The following PPARA variants were observed in gnomAD, a reference collection of about 807,000 sequenced individuals.
The protein encoded by PPARA is peroxisome proliferator activated receptor alpha, also known as peroxisome proliferator-activated receptor alpha.
PPARA carries 22 observed loss-of-function variants against 42.2 expected under a neutral mutation model. The ratio of observed to expected loss-of-function variants is 0.52; its 90% CI spans 0.37 to 0.74. PPARA has a LOEUF of 0.74. PPARA is among the 30% of genes least tolerant of loss of function. The probability of loss-of-function intolerance (pLI) is 0.00; values close to 1 mark genes in which losing one functional copy is unlikely to be tolerated. For missense variants in PPARA, 465 were observed against 608.2 expected (o/e 0.76, Z 2.48); for synonymous variants, 242 against 239.3 (o/e 1.01, Z -0.10).
At chr22:46,153,479 A>G (rs1035622643) in intron 2 of PPARA, among the ~76,000 whole-genome samples, 2 of 152,082 alleles carry the variant, frequency 1.3e-5, no homozygotes, top group Admixed American at 6.5e-5. Flanking sequence ...CTTTTCCGAC[A>G]TCTTAAACGT....
rs148159640 is a variant in PPARA, at chr22:46,199,312, A to G, written c.208+721A>G. On this transcript the variant is annotated intron_variant, in intron 4 of 8. Transcript: ENST00000407236. ...CAGATAAATTGGGATGCATTTATAC[A>G]GTGGTATATACTTCATAGCAATTTA... 1.8e-3 allele frequency among the ~76,000 whole-genome samples: 272 copies of G among 152,294 alleles called. 1 individual carries two copies. Among genetic ancestry groups the G allele is most frequent in the African/African-American group, 6.1e-3 (255 of 41,566 alleles).
intron 2 of PPARA, among the ~76,000 whole-genome samples, chr22:46,166,841 T>A (rs1299863506): frequency 6.6e-6 from 1 of 152,170 alleles, no homozygotes; most frequent in African/African-American, 2.4e-5. Context: ...GCAATCGGAA[T>A]CAGACCTCAG....
chr22:46,154,344 G>A (rs1401264015), intron 2 of PPARA, among the ~76,000 whole-genome samples: 4 of 152,200 alleles, frequency 2.6e-5, no homozygotes, highest in Admixed American at 2.0e-4. Context: ...TAGCCTGGGC[G>A]CAGTGGCTCA....
At position 46,203,950 on chromosome 22, in the gene PPARA, C is replaced by A. The variant is rs1434657144; in HGVS notation, c.208+5359C>A. Among the ~76,000 whole-genome samples the A allele has an allele frequency of 2.6e-5, 4 of 152,168 alleles. No homozygotes were observed. The highest frequency in any genetic ancestry group is 9.7e-5 in the African/African-American group (4 of 41,404). ...CTGCCTCCTGCATCTATCAGTAGTG[C>A]CTCTGTCTGTCACCCCTAAAGTTTA... On this transcript the variant is annotated intron_variant, in intron 4 of 8. Coordinates refer to ENST00000407236, the MANE Select transcript of PPARA (RefSeq NM_005036.6). This position sits in a 1 kb window ranked among gnomAD's most constrained non-coding sequence, Gnocchi z 5.8.
chr22:46,172,116 A>G (rs1320027979), intron 2 of PPARA, among the ~76,000 whole-genome samples: 4 of 151,990 alleles, frequency 2.6e-5, no homozygotes, highest in Non-Finnish European at 5.9e-5. Context: ...GAATCTGGGT[A>G]CTTGGAAGCC....
chr22:46,206,776 C>T (rs1933353419), intron 4 of PPARA, among the ~76,000 whole-genome samples: 1 of 152,010 alleles, frequency 6.6e-6, no homozygotes, highest in Non-Finnish European at 1.5e-5. Context: ...GTGCTATATA[C>T]CTTTGTATAA....
chr22:46,167,438 C>A lies in PPARA; in HGVS notation c.-126-9315C>A, dbSNP rs1162270676. On this transcript the variant is annotated intron_variant, in intron 2 of 8. Coordinates refer to ENST00000407236, the MANE Select transcript of PPARA (RefSeq NM_005036.6). The surrounding 1 kb of genome is among the most constrained non-coding windows in gnomAD (Gnocchi z 4.1). ...GGCCAAGGCGGGTGGATCACTTGGC[C>A]CCAGGAGTTACAAGACCATCCTGGG... 6.6e-6 allele frequency among the ~76,000 whole-genome samples: 1 copy of A among 151,822 alleles called. No individual in the cohort carries two copies. Among genetic ancestry groups the A allele is most frequent in the Non-Finnish European group, 1.5e-5 (1 of 67,960 alleles).
rs1187121875 is a variant in PPARA, at chr22:46,190,998, C to A, written c.-42-7344C>A. Among the ~76,000 whole-genome samples, 1 of 152,098 alleles carries A rather than the reference C, an allele frequency of 6.6e-6. No homozygotes were observed. Among genetic ancestry groups the A allele is most frequent in the African/African-American group, 2.4e-5 (1 of 41,424 alleles). ...CTGAGGTCAGGTGTTCAAAACCAGC[C>A]TGGCCAAACATGGTGAAACCACATC... On this transcript the variant is annotated intron_variant, in intron 3 of 8. Coordinates refer to ENST00000407236, the MANE Select transcript of PPARA (RefSeq NM_005036.6). The surrounding 1 kb of genome is among the most constrained non-coding windows in gnomAD (Gnocchi z 5.6).
In PPARA at chr22:46,225,883, ACACT is replaced by A. The variant is rs1935396064; in HGVS notation, c.711+5873_711+5876del. On this transcript the variant is annotated intron_variant, in intron 7 of 8. Transcript: ENST00000407236. This position sits in a 1 kb window ranked among gnomAD's most constrained non-coding sequence, Gnocchi z 4.1. ...CATGCACCCACACATGGATACACGC[ACACT>A]CACACATGTACCCACACCTGTGTGT... Among the ~76,000 whole-genome samples, 1 of 150,860 alleles carries A rather than the reference ACACT, an allele frequency of 6.6e-6. No homozygotes were observed. The highest frequency in any genetic ancestry group is 1.5e-5 in the Non-Finnish European group (1 of 67,694).
chr22:46,225,979 TCACA>T lies in PPARA; in HGVS notation c.712-5808_712-5805del, dbSNP rs1273708370. Among the ~76,000 whole-genome samples, 2 of 136,664 alleles carry T rather than the reference TCACA, an allele frequency of 1.5e-5. No homozygotes were observed. The highest frequency in any genetic ancestry group is 3.0e-5 in the Non-Finnish European group (2 of 66,366). 89.7% of individuals were successfully genotyped at this position (136,664 alleles called of 152,430 possible). A position where few individuals can be genotyped will look rare whatever the true frequency, so the allele number is the denominator to read the frequency against. ...CACAAATCCACATTCACCCATACAGTCACACACATGCATACACACACATACAAAC... is the reference window on the plus strand; with the variant it reads ...CACAAATCCACATTCACCCATACAGTCACATGCATACACACACATACAAAC... On this transcript the variant is annotated intron_variant, in intron 7 of 8. Transcript: ENST00000407236. The surrounding 1 kb of genome is among the most constrained non-coding windows in gnomAD (Gnocchi z 4.1).
rs1728595786 is a variant in PPARA, at chr22:46,239,007, C to T, written c.*3627C>T. 1 of 152,202 alleles carries T rather than the reference C, an allele frequency of 6.6e-6. No homozygotes were observed. The highest frequency in any genetic ancestry group is 2.4e-5 in the African/African-American group (1 of 41,444). 9.4% of individuals were successfully genotyped at this position (152,202 alleles called of 1,614,324 possible). On this transcript the variant is annotated 3_prime_UTR_variant, in exon 9 of 9. Coordinates refer to ENST00000407236, the MANE Select transcript of PPARA (RefSeq NM_005036.6). The stretch of plus-strand genomic sequence containing the variant: ...GATGAGAAGAGTATAAAGCATCTTC[C>T]TAACGGGTGTGTTTGCTATACGAAC...
In PPARA at chr22:46,200,118, C is replaced by G. The variant is rs1932776977; in HGVS notation, c.208+1527C>G. ...GGCATCTCAGCTTTAAGGACTCAGT[C>G]ACCTCCTGAGCAAGATGGAGGGAGA... On this transcript the variant is annotated intron_variant, in intron 4 of 8. Coordinates refer to ENST00000407236, the MANE Select transcript of PPARA (RefSeq NM_005036.6). This position sits in a 1 kb window ranked among gnomAD's most constrained non-coding sequence, Gnocchi z 4.8. 6.6e-6 allele frequency among the ~76,000 whole-genome samples: 1 copy of G among 152,228 alleles called. No individual in the cohort carries two copies. Among genetic ancestry groups the G allele is most frequent in the Admixed American group, 6.5e-5 (1 of 15,288 alleles).
chr22:46,230,868 T>C lies in PPARA; in HGVS notation c.712-924T>C, dbSNP rs1030992188. 1.3e-5 allele frequency among the ~76,000 whole-genome samples: 2 copies of C among 152,254 alleles called. No individual in the cohort carries two copies. The highest frequency in any genetic ancestry group is 6.5e-5 in the Admixed American group (1 of 15,286). On this transcript the variant is annotated intron_variant, in intron 7 of 8. Transcript: ENST00000407236. This position sits in a 1 kb window ranked among gnomAD's most constrained non-coding sequence, Gnocchi z 5.0. ...TGTATTTACATGCCAAATGTATTCATTGAGCAGCGTTAAATAATGGTGTTC... is the reference window on the plus strand; with the variant it reads ...TGTATTTACATGCCAAATGTATTCACTGAGCAGCGTTAAATAATGGTGTTC...
chr22:46,155,865 T>C (rs1206532746), intron 2 of PPARA: 1 of 152,214 alleles, frequency 6.6e-6, no homozygotes, highest in Admixed American at 6.5e-5. Flanking sequence ...TTTCCAAGTA[T>C]TTCTGCCGCT....
Position 46,212,105 on chromosome 22 carries a change from T to A in PPARA, c.209-3068T>A, listed in dbSNP as rs1933995412. On this transcript the variant is annotated intron_variant, in intron 4 of 8. Transcript: ENST00000407236. This position sits in a 1 kb window ranked among gnomAD's most constrained non-coding sequence, Gnocchi z 4.2. ...TCTCACTGTGACACCCAGGCTGGAGTACAGTGGCAGCATAATCTCAGCTCA... is the reference window on the plus strand; with the variant it reads ...TCTCACTGTGACACCCAGGCTGGAGAACAGTGGCAGCATAATCTCAGCTCA... 6.6e-6 allele frequency among the ~76,000 whole-genome samples: 1 copy of A among 151,944 alleles called. No homozygotes were observed. The highest frequency in any genetic ancestry group is 2.1e-4 in the South Asian group (1 of 4,820).
chr22:46,213,344 G>A (rs1239473630), intron 4 of PPARA, among the ~76,000 whole-genome samples: 1 of 150,788 alleles, frequency 6.6e-6, no homozygotes, highest in African/African-American at 2.4e-5. Context: ...CTTGCCATCT[G>A]TATATCGTCC....
At chr22:46,197,456 G>A (rs1049353049) in intron 3 of PPARA, among the ~76,000 whole-genome samples, 6 of 152,162 alleles carry the variant, frequency 3.9e-5, no homozygotes, top group African/African-American at 1.4e-4. Flanking sequence ...TGGCCCCGTG[G>A]GCTATGGCTC....
At chr22:46,202,747 C>CTCAGGA (rs1386049734) in intron 4 of PPARA, among the ~76,000 whole-genome samples, 2 of 150,588 alleles carry the variant, frequency 1.3e-5, no homozygotes, top group Admixed American at 1.3e-4. Context: ...CCTGTAATCC[C>CTCAGGA]GGCTACTCAG....
rs1184540473 is a variant in PPARA, at chr22:46,219,795, C to T, written c.509-17C>T. Reference sequence around the variant, plus strand: ...GACCTCACTGCTCATGCCTGTGTTTCCCCCTCCAAACCCTAGCGATTCGTT... The same window carrying T: ...GACCTCACTGCTCATGCCTGTGTTTTCCCCTCCAAACCCTAGCGATTCGTT... On this transcript the variant is annotated splice_polypyrimidine_tract_variant and intron_variant, in intron 6 of 8. Coordinates refer to ENST00000407236, the MANE Select transcript of PPARA (RefSeq NM_005036.6). The surrounding 1 kb of genome is among the most constrained non-coding windows in gnomAD (Gnocchi z 4.8). 1.2e-6 allele frequency: 2 copies of T among 1,613,608 alleles called. No homozygotes were observed. The highest frequency in any genetic ancestry group is 1.7e-6 in the Non-Finnish European group (2 of 1,179,726).
Sources: allele counts gnomAD v4.1 joint callset (sites outside exome capture counted in the v4.1 genomes callset), GRCh38; gene constraint gnomAD v4.1.1; non-coding constraint Gnocchi (gnomAD v3.1); transcripts MANE v1.5; gene names NCBI Gene and HGNC (gene_info 2026-07-23, HGNC 2026-07-21).